The following RHOBTB3 variants were observed in gnomAD, a reference collection of about 807,000 sequenced individuals.
RHOBTB3 encodes Rho related BTB domain containing 3.
A neutral mutation model predicts 67.2 loss-of-function variants in RHOBTB3; 47 were observed. The observed-to-expected ratio is 0.70, with a 90% CI of 0.55 to 0.89. RHOBTB3 has a LOEUF of 0.89. RHOBTB3 is among the 40% of genes least tolerant of loss of function. The pLI is 0.00. For missense variants in RHOBTB3, 631 were observed against 750.0 expected (o/e 0.84, Z 1.85); for synonymous variants, 273 against 274.2 (o/e 1.00, Z 0.04).
In RHOBTB3 at chr5:95,763,593, T is replaced by C; in HGVS notation, c.1134T>C (p.Val378=). 3 of 1,607,156 alleles carry C rather than the reference T, an allele frequency of 1.9e-6. No individual in the cohort carries two copies. ...SGDVSNVIEK[V]KCILKTPGKI... ...ATGTTTCAAATGTAATCGAGAAAGT[T>C]AAATGCATTTTAAAAACACCAGGAA... The change falls in exon 7 of 12, where the codon GTT becomes GTC. Residue 378 remains valine (V), a synonymous_variant. Coordinates refer to ENST00000379982, the MANE Select transcript of RHOBTB3 (RefSeq NM_014899.4).
chr5:95,733,611 G>A (rs568653054), intron 2 of RHOBTB3, among the ~76,000 whole-genome samples: 2 of 152,268 alleles, frequency 1.3e-5, no homozygotes, highest in South Asian at 4.2e-4. Flanking sequence ...GCCATATGCT[G>A]GTTGTTATGG....
At position 95,731,682 on chromosome 5, in the gene RHOBTB3, C is replaced by A; in HGVS notation, c.-1C>A. 1 of 1,613,458 alleles carries A rather than the reference C, an allele frequency of 6.2e-7. No individual in the cohort carries two copies. The highest frequency in any genetic ancestry group is 2.2e-5 in the East Asian group (1 of 44,848). ...GCCGCCCTGCCCTTGGATTTGAGAT[C>A]ATGTACGTACGCGCCGCCGTCCTGC... On this transcript the variant is annotated splice_region_variant and 5_prime_UTR_variant, in exon 1 of 12. Coordinates refer to ENST00000379982, the MANE Select transcript of RHOBTB3 (RefSeq NM_014899.4).
Position 95,731,470 on chromosome 5 carries a change from C to T in RHOBTB3, c.-213C>T. ...CACTCCCTGAGTAGCGGCAGCTTAT[C>T]CCCCGCCCGCTAGCCCGCCCTGGTC... On this transcript the variant is annotated 5_prime_UTR_variant, in exon 1 of 12. Coordinates refer to ENST00000379982, the MANE Select transcript of RHOBTB3 (RefSeq NM_014899.4). The T allele has an allele frequency of 2.5e-6, 3 of 1,221,564 alleles. No individual in the cohort carries two copies. Among genetic ancestry groups the T allele is most frequent in the African/African-American group, 1.6e-5 (1 of 63,066 alleles). 75.7% of individuals were successfully genotyped at this position (1,221,564 alleles called of 1,614,324 possible). A position where few individuals can be genotyped will look rare whatever the true frequency, so the allele number is the denominator to read the frequency against.
intron 6 of RHOBTB3, among the ~76,000 whole-genome samples, chr5:95,760,802 T>C (rs776465962): frequency 3.9e-5 from 6 of 152,228 alleles, no homozygotes; most frequent in Non-Finnish European, 7.3e-5. Flanking sequence ...GATATCGCAT[T>C]ATATACTTAA....
At chr5:95,755,236 GT>G (rs1018727891) in intron 5 of RHOBTB3, among the ~76,000 whole-genome samples, 159 bp from the exon 6 acceptor site, 3 of 151,906 alleles carry the variant, frequency 2.0e-5, no homozygotes, top group East Asian at 1.9e-4. Flanking sequence ...GAAAATCGCT[GT>G]TTTTGTGCAT....
At chr5:95,781,363 G>A (rs1580427017) in intron 9 of RHOBTB3, 1 of 152,344 alleles carries the variant, frequency 6.6e-6, no homozygotes, top group East Asian at 1.9e-4. Flanking sequence ...CAGATTCACT[G>A]CTTTAATTTT....
intron 9 of RHOBTB3, chr5:95,782,583 T>A (rs1746083261): frequency 6.6e-6 from 1 of 152,058 alleles, no homozygotes; most frequent in Non-Finnish European, 1.5e-5. Context: ...CCGAGGCAGG[T>A]GGATCACAAG....
intron 3 of RHOBTB3, among the ~76,000 whole-genome samples, chr5:95,741,684 T>C (rs2112782831): frequency 6.6e-6 from 1 of 152,178 alleles, no homozygotes; most frequent in East Asian, 1.9e-4. Flanking sequence ...TCTGGAGCAG[T>C]ACGCCCAGTG....
rs762569814 is a variant in RHOBTB3, at chr5:95,780,291, G to A, written c.1322G>A (p.Arg441His). ...VPAHRAILVA[R>H]CEVMAAMFNG... The stretch of plus-strand genomic sequence containing the variant: ...GCCCACAGGGCCATCCTGGTGGCCC[G>A]TTGTGAAGTGATGGCAGCCATGTTT... Residue 441 changes from arginine (R) to histidine (H), a missense_variant, in exon 9 of 12, where the codon CGT (arginine) becomes CAT (histidine). Transcript: ENST00000379982. 2 of 1,613,946 alleles carry A rather than the reference G, an allele frequency of 1.2e-6. No homozygotes were observed. The highest frequency in any genetic ancestry group is 1.7e-6 in the Non-Finnish European group (2 of 1,179,850).
At chr5:95,766,186 C>T (rs1745538780) in intron 7 of RHOBTB3, among the ~76,000 whole-genome samples, 2 of 151,800 alleles carry the variant, frequency 1.3e-5, no homozygotes, top group Non-Finnish European at 2.9e-5. Context: ...CATTTTTCCC[C>T]CCTCACCGAA....
At chr5:95,773,991 A>G (rs1745796564) in intron 8 of RHOBTB3, among the ~76,000 whole-genome samples, 1 of 152,220 alleles carries the variant, frequency 6.6e-6, no homozygotes, top group South Asian at 2.1e-4. Flanking sequence ...TGAATAGCAA[A>G]TAGTTGAATT....
intron 3 of RHOBTB3, among the ~76,000 whole-genome samples, 154 bp downstream of exon 3, chr5:95,737,229 A>T (rs188272478): frequency 6.6e-6 from 1 of 152,352 alleles, no homozygotes; most frequent in African/African-American, 2.4e-5. Context: ...ATTTGATACG[A>T]TAAAAAAACA....
Position 95,767,917 on chromosome 5 carries a change from G to C in RHOBTB3, c.1162-129G>C, listed in dbSNP as rs988525247. The C allele has an allele frequency of 5.6e-6, 5 of 891,514 alleles. No homozygotes were observed. In the Admixed American group the frequency reaches 5.9e-5, roughly 10 times the overall value. 55.2% of individuals were successfully genotyped at this position (891,514 alleles called of 1,614,324 possible). Reference sequence around the variant, plus strand: ...TAAGTTCCTTTGAAACCTGTGATCAGAGATGTCATAGAGTAGGGAATCATA... The same window carrying C: ...TAAGTTCCTTTGAAACCTGTGATCACAGATGTCATAGAGTAGGGAATCATA... On this transcript the variant is annotated intron_variant, in intron 7 of 11. Coordinates refer to ENST00000379982, the MANE Select transcript of RHOBTB3 (RefSeq NM_014899.4).
At position 95,793,163 on chromosome 5, in the gene RHOBTB3, T is replaced by A. The variant is rs1746468446; in HGVS notation, c.1825T>A (p.Leu609Ile). 1 of 1,605,786 alleles carries A rather than the reference T, an allele frequency of 6.2e-7. No individual in the cohort carries two copies. Among genetic ancestry groups the A allele is most frequent in the African/African-American group, 1.3e-5 (1 of 74,812 alleles). Residue 609 changes from leucine to isoleucine, a missense_variant, in exon 12 of 12, where the codon TTA (leucine) becomes ATA (isoleucine). Transcript: ENST00000379982. ...KYIHSRKCRC[L>I]VM ...TATTCACTCCCGGAAATGTCGTTGC[T>A]TAGTAATGTAACCTGGAGCTTTTAT... is the stretch of plus-strand genomic sequence containing the variant.
chr5:95,759,003 A>G lies in RHOBTB3; in HGVS notation c.1048+3242A>G, dbSNP rs1159055051. Among the ~76,000 whole-genome samples the G allele has an allele frequency of 2.0e-5, 3 of 152,250 alleles. No individual in the cohort carries two copies. In the East Asian group the frequency reaches 5.8e-4, roughly 29 times the overall value. Reference sequence around the variant, plus strand: ...GGTGAGCTGTAAGGCTGACTGATGCAGTGCTATTCAGAACTGGGGCTCTCA... The same window carrying G: ...GGTGAGCTGTAAGGCTGACTGATGCGGTGCTATTCAGAACTGGGGCTCTCA... On this transcript the variant is annotated intron_variant, in intron 6 of 11. Coordinates refer to ENST00000379982, the MANE Select transcript of RHOBTB3 (RefSeq NM_014899.4).
At chr5:95,785,138 C>G (rs993253678) in intron 10 of RHOBTB3, among the ~76,000 whole-genome samples, 3 of 152,208 alleles carry the variant, frequency 2.0e-5, no homozygotes, top group Non-Finnish European at 4.4e-5. Flanking sequence ...TGCCTCCAAG[C>G]TGAAACGAAT....
At chr5:95,740,815 G>C (rs1755574194) in intron 3 of RHOBTB3, among the ~76,000 whole-genome samples, 1 of 152,070 alleles carries the variant, frequency 6.6e-6, no homozygotes, top group Non-Finnish European at 1.5e-5. Context: ...ACCTAAGAAA[G>C]TTGACAAGAA....
chr5:95,718,709 G>A (rs997174472), intron 1 of RHOBTB3, among the ~76,000 whole-genome samples: 3 of 152,172 alleles, frequency 2.0e-5, no homozygotes, highest in Non-Finnish European at 4.4e-5. Flanking sequence ...CACACACTAA[G>A]GTTGATCCAG....
Position 95,731,570 on chromosome 5 carries a change from G to C in RHOBTB3, c.-113G>C. ...CCCGCCGCGGTGGAGGCGCGCGAGGGGGACGCGGCCGGGGATGAGCGGATT... is the reference window on the plus strand; with the variant it reads ...CCCGCCGCGGTGGAGGCGCGCGAGGCGGACGCGGCCGGGGATGAGCGGATT... On this transcript the variant is annotated 5_prime_UTR_variant, in exon 1 of 12. Transcript: ENST00000379982. The C allele has an allele frequency of 1.3e-6, 2 of 1,507,798 alleles. No homozygotes were observed. The highest frequency in any genetic ancestry group is 1.8e-6 in the Non-Finnish European group (2 of 1,127,980). 93.4% of individuals were successfully genotyped at this position (1,507,798 alleles called of 1,614,324 possible). A position where few individuals can be genotyped will look rare whatever the true frequency, so the allele number is the denominator to read the frequency against.
Sources: allele counts gnomAD v4.1 joint callset (sites outside exome capture counted in the v4.1 genomes callset), GRCh38; gene constraint gnomAD v4.1.1; transcripts MANE v1.5; gene names NCBI Gene and HGNC (gene_info 2026-07-23, HGNC 2026-07-21).